FAT3: variants seen among roughly 807,000 people sequenced by gnomAD.
FAT3 encodes the protein protocadherin Fat 3.
A neutral mutation model predicts 310.2 loss-of-function variants in FAT3; 95 were observed. That is an observed-to-expected ratio of 0.31 (90% confidence interval 0.26 to 0.36). The LOEUF is 0.36. Ranked by LOEUF, FAT3 falls within the 10% of genes least tolerant of loss-of-function variation. The pLI, the probability that FAT3 is intolerant of heterozygous loss-of-function variation, is 1.00. For missense variants in FAT3, 5,408 were observed against 5,715.6 expected, an observed-to-expected ratio of 0.95 and a Z score of 1.74; for synonymous variants, 2,314 against 2,192.9, an observed-to-expected ratio of 1.06 and a Z score of -1.54.
chr11:92,788,567 A>T (rs975853646), intron 7 of FAT3, among the ~76,000 whole-genome samples: 9 of 152,300 alleles, frequency 5.9e-5, no homozygotes, highest in African/African-American at 2.2e-4. Flanking sequence ...TTAATGAATT[A>T]TCTGTATAAT....
At chr11:92,820,303 A>G (rs1205347334) in intron 13 of FAT3, among the ~76,000 whole-genome samples, 1 of 151,980 alleles carries the variant, frequency 6.6e-6, no homozygotes, top group East Asian at 1.9e-4. Flanking sequence ...GGCCTTTCCT[A>G]GGTGCACCTG....
chr11:92,729,943 T>A (rs1156584761), intron 4 of FAT3, among the ~76,000 whole-genome samples: 1 of 152,214 alleles, frequency 6.6e-6, no homozygotes, highest in Non-Finnish European at 1.5e-5. Flanking sequence ...AGTCTAGTGG[T>A]TATCTCTGGG....
At chr11:92,707,748 G>A (rs77692442) in intron 4 of FAT3, among the ~76,000 whole-genome samples, 101 of 152,196 alleles carry the variant, frequency 6.6e-4, no homozygotes, top group Non-Finnish European at 1.1e-3. Context: ...CACACTCTCT[G>A]AGCTACAGAA....
intron 1 of FAT3, among the ~76,000 whole-genome samples, chr11:92,270,002 G>A (rs566578732): frequency 1.1e-3 from 162 of 152,238 alleles, no homozygotes; most frequent in Non-Finnish European, 1.9e-3. Flanking sequence ...TGAGGCATCT[G>A]AGGAATCAGA....
At chr11:92,673,806 T>G (rs1054461060) in intron 3 of FAT3, among the ~76,000 whole-genome samples, 1 of 152,068 alleles carries the variant, frequency 6.6e-6, no homozygotes, top group Admixed American at 6.5e-5. Context: ...TGAACATTGG[T>G]AGGAAACCAG....
rs1392653397 is a variant in FAT3, at chr11:92,595,229, G to A, written c.3607+70281G>A. On this transcript the variant is annotated intron_variant, in intron 3 of 27. Coordinates refer to ENST00000525166, the MANE Select transcript of FAT3 (RefSeq NM_001367949.2). ...CACATGAGTTCAGGAGAGGATGATGGAGGCAGAGTCTCTTGTGAAGCAAGT... is the reference window on the plus strand; with the variant it reads ...CACATGAGTTCAGGAGAGGATGATGAAGGCAGAGTCTCTTGTGAAGCAAGT... Among the ~76,000 whole-genome samples the A allele has an allele frequency of 3.3e-5, 5 of 152,052 alleles. 1 individual carries two copies. Among genetic ancestry groups the A allele is most frequent in the Non-Finnish European group, 7.4e-5 (5 of 68,008 alleles).
At chr11:92,536,375 C>A (rs914637810) in intron 3 of FAT3, among the ~76,000 whole-genome samples, 11 of 152,120 alleles carry the variant, frequency 7.2e-5, no homozygotes, top group Non-Finnish European at 1.0e-4. Context: ...GAGTAGTAAT[C>A]ATGAGCTTGG....
At chr11:92,342,733 T>G (rs1365003053) in intron 1 of FAT3, among the ~76,000 whole-genome samples, 1 of 152,192 alleles carries the variant, frequency 6.6e-6, no homozygotes, top group Non-Finnish European at 1.5e-5. Flanking sequence ...TTCTTTCTTT[T>G]TTAAAAATCG....
intron 3 of FAT3, among the ~76,000 whole-genome samples, chr11:92,591,648 A>G (rs1939431767): frequency 6.6e-6 from 1 of 152,142 alleles, no homozygotes; most frequent in South Asian, 2.1e-4. Flanking sequence ...AGGAATACCA[A>G]GTCAATTTTT....
chr11:92,687,301 A>T (rs1234034020), intron 3 of FAT3, among the ~76,000 whole-genome samples: 2 of 152,158 alleles, frequency 1.3e-5, no homozygotes, highest in Non-Finnish European at 2.9e-5. Flanking sequence ...AAGTTATGTA[A>T]GTTTCCTTGT....
intron 20 of FAT3, 106 bp from the exon 21 acceptor site, chr11:92,859,059 C>A: frequency 9.4e-7 from 1 of 1,060,888 alleles, no homozygotes; most frequent in Non-Finnish European, 1.3e-6. Context: ...ACTTCTCATG[C>A]ATGGTCTTTA....
intron 2 of FAT3, chr11:92,403,273 T>C (rs1373460247): frequency 6.6e-6 from 1 of 152,208 alleles, no homozygotes; most frequent in African/African-American, 2.4e-5. Flanking sequence ...TTCTTTCTTC[T>C]TTTTACTTTA....
intron 1 of FAT3, among the ~76,000 whole-genome samples, chr11:92,330,298 A>G (rs1357855764): frequency 6.6e-6 from 1 of 152,220 alleles, no homozygotes; most frequent in East Asian, 1.9e-4. Flanking sequence ...GCATTAATCC[A>G]TGGAAGCTGC....
At chr11:92,594,340 G>A (rs1398323829) in intron 3 of FAT3, among the ~76,000 whole-genome samples, 1 of 152,164 alleles carries the variant, frequency 6.6e-6, no homozygotes, top group Non-Finnish European at 1.5e-5. Flanking sequence ...CTACTCAGGA[G>A]GCTAAGGCAG....
chr11:92,782,971 A>G (rs1320657095), intron 7 of FAT3, among the ~76,000 whole-genome samples: 7 of 152,326 alleles, frequency 4.6e-5, no homozygotes, highest in Middle Eastern at 3.4e-3. Context: ...AAGCTGCTCT[A>G]TGATTCACTA....
chr11:92,618,543 C>T (rs1377857641), intron 3 of FAT3, among the ~76,000 whole-genome samples: 12 of 152,316 alleles, frequency 7.9e-5, no homozygotes, highest in South Asian at 6.2e-4. Context: ...AGAAATCACC[C>T]GTCTTTTGCG....
chr11:92,630,991 A>G (rs1210725012), intron 3 of FAT3, among the ~76,000 whole-genome samples: 1 of 152,246 alleles, frequency 6.6e-6, no homozygotes, highest in Non-Finnish European at 1.5e-5. Context: ...AGTGAGCTTA[A>G]GGGCTAACAT....
intron 3 of FAT3, among the ~76,000 whole-genome samples, chr11:92,595,241 C>T (rs555893290): frequency 2.0e-5 from 3 of 152,168 alleles, no homozygotes; most frequent in East Asian, 3.9e-4. Flanking sequence ...GGCAGAGTCT[C>T]TTGTGAAGCA....
chr11:92,835,125 C>A, intron 15 of FAT3, 41 bp downstream of exon 15: 1 of 1,530,834 alleles, frequency 6.5e-7, no homozygotes, highest in Non-Finnish European at 8.9e-7. Context: ...ATGTTTGGGA[C>A]TAGTCATCCA....
Sources: allele counts gnomAD v4.1 joint callset (sites outside exome capture counted in the v4.1 genomes callset), GRCh38; gene constraint gnomAD v4.1.1; transcripts MANE v1.5; gene names NCBI Gene and HGNC (gene_info 2026-07-23, HGNC 2026-07-21).